The following SLCO3A1 variants were observed in gnomAD, a reference collection of about 807,000 sequenced individuals.
SLCO3A1 encodes solute carrier organic anion transporter family member 3A1, also known as PGE1 transporter.
SLCO3A1 carries 27 observed loss-of-function variants against 63.1 expected under a neutral mutation model. The ratio of observed to expected loss-of-function variants is 0.43; its 90% CI spans 0.32 to 0.59. SLCO3A1 has a LOEUF of 0.59. Ranked by LOEUF, SLCO3A1 falls within the 20% of genes least tolerant of loss-of-function variation. The pLI is 0.09. For synonymous variants in SLCO3A1, 473 were observed against 409.9 expected (o/e 1.15, Z -1.86); for missense variants, 773 against 945.8 (o/e 0.82, Z 2.40).
chr15:92,087,516 A>ATTTT (rs34074469), intron 2 of SLCO3A1, among the ~76,000 whole-genome samples: 2 of 121,762 alleles, frequency 1.6e-5, no homozygotes, highest in African/African-American at 6.3e-5. Flanking sequence ...ATTATCTATT[A>ATTTT]TTTTTTTTTT....
chr15:92,108,239 A>G (rs2047688865), intron 4 of SLCO3A1, among the ~76,000 whole-genome samples: 1 of 152,218 alleles, frequency 6.6e-6, no homozygotes, highest in African/African-American at 2.4e-5. Context: ...GTTAAACTCC[A>G]GTATCTCCCC....
chr15:91,939,077 T>C (rs904888534), intron 2 of SLCO3A1, among the ~76,000 whole-genome samples: 3 of 152,142 alleles, frequency 2.0e-5, no homozygotes, highest in East Asian at 1.9e-4. Context: ...CTCAGTAATA[T>C]ATAAGAAAAG....
intron 2 of SLCO3A1, among the ~76,000 whole-genome samples, chr15:92,000,995 T>A (rs1357743206): frequency 6.6e-6 from 1 of 152,130 alleles, no homozygotes; most frequent in African/African-American, 2.4e-5. Context: ...AGTCTGTCTA[T>A]CTTTGTCTCT....
At chr15:91,896,516 A>G (rs778248153) in intron 1 of SLCO3A1, among the ~76,000 whole-genome samples, 35 of 152,256 alleles carry the variant, frequency 2.3e-4, no homozygotes, top group Middle Eastern at 6.8e-3. Context: ...TAATTGACTC[A>G]TGGGGGTGGG....
chr15:92,000,403 TA>T (rs56354930), intron 2 of SLCO3A1, among the ~76,000 whole-genome samples: 5,703 of 137,998 alleles, frequency 0.041, 144 homozygotes, highest in Non-Finnish European at 0.054. Context: ...CCTTTTTTTT[TA>T]AAAAAAAAAA....
rs151313256 is a variant in SLCO3A1, at chr15:91,887,672, G to C, written c.181-28321G>C. 3.9e-5 allele frequency among the ~76,000 whole-genome samples: 6 copies of C among 152,294 alleles called. No homozygotes were observed. The East Asian group carries it at 9.6e-4, about 24-fold the overall frequency. On this transcript the variant is annotated intron_variant, in intron 1 of 9. Coordinates refer to ENST00000318445, the MANE Select transcript of SLCO3A1 (RefSeq NM_013272.4). ...ATCCTGGGAACTTCTGAGGCCTGCTGTTCTCTCCCTGTCTTTTATGTGTCT... is the reference window on the plus strand; with the variant it reads ...ATCCTGGGAACTTCTGAGGCCTGCTCTTCTCTCCCTGTCTTTTATGTGTCT...
At chr15:92,141,621 C>G (rs546889127) in intron 7 of SLCO3A1, among the ~76,000 whole-genome samples, 1 of 152,286 alleles carries the variant, frequency 6.6e-6, no homozygotes, top group South Asian at 2.1e-4. Flanking sequence ...AGGGGTATCC[C>G]CTACTTCCCC....
At chr15:92,080,752 G>A (rs1352390940) in intron 2 of SLCO3A1, among the ~76,000 whole-genome samples, 1 of 152,192 alleles carries the variant, frequency 6.6e-6, no homozygotes, top group Non-Finnish European at 1.5e-5. Flanking sequence ...GGCTTTACGA[G>A]AGATTTGGGT....
intron 2 of SLCO3A1, among the ~76,000 whole-genome samples, chr15:91,982,654 G>C (rs2046002283): frequency 6.6e-6 from 1 of 152,206 alleles, no homozygotes; most frequent in Admixed American, 6.5e-5. Flanking sequence ...GAAAATCACT[G>C]CTCTAGAGTT....
intron 1 of SLCO3A1, among the ~76,000 whole-genome samples, chr15:91,890,269 G>T (rs1354647387): frequency 6.6e-6 from 1 of 152,176 alleles, no homozygotes; most frequent in East Asian, 1.9e-4. Context: ...CTGTATAATT[G>T]TTCATCTCTC....
intron 2 of SLCO3A1, among the ~76,000 whole-genome samples, chr15:92,082,508 C>G (rs1252014807): frequency 2.0e-5 from 3 of 152,098 alleles, no homozygotes; most frequent in Non-Finnish European, 2.9e-5. Context: ...CTCCCACTTG[C>G]GAGAACCATC....
At chr15:91,957,115 TAA>T in intron 2 of SLCO3A1, among the ~76,000 whole-genome samples, 1 of 26,958 alleles carries the variant, frequency 3.7e-5, no homozygotes, top group African/African-American at 4.7e-4. Flanking sequence ...TATATATATA[TAA>T]TATATATAAT....
At chr15:92,168,104 G>C (rs1383722530), downstream of SLCO3A1, among the ~76,000 whole-genome samples, 2 of 152,186 alleles carry the variant, frequency 1.3e-5, no homozygotes, top group Non-Finnish European at 2.9e-5. Context: ...CAATGAGCTG[G>C]ACAGATCTGA....
intron 1 of SLCO3A1, among the ~76,000 whole-genome samples, chr15:91,901,832 T>C (rs1222605054): frequency 6.6e-6 from 1 of 152,176 alleles, no homozygotes; most frequent in Non-Finnish European, 1.5e-5. Flanking sequence ...TCTTTGGGGT[T>C]CTTTGAGCTT....
intron 2 of SLCO3A1, among the ~76,000 whole-genome samples, chr15:91,920,626 G>A (rs1231946033): frequency 6.6e-6 from 1 of 152,216 alleles, no homozygotes; most frequent in Non-Finnish European, 1.5e-5. Context: ...CTTTCGCTCA[G>A]CTCTTTCCAG....
Position 92,151,852 on chromosome 15 carries a change from C to G in SLCO3A1, c.1753+838C>G, listed in dbSNP as rs7171414. Among the ~76,000 whole-genome samples the G allele has an allele frequency of 2.6e-5, 4 of 152,274 alleles. No homozygotes were observed. In the South Asian group the frequency reaches 8.3e-4, roughly 32 times the overall value. The stretch of plus-strand genomic sequence containing the variant: ...AGTAGAAATAAAATTCCTCATTCCA[C>G]GTATATAATCGTGGATAAGCACAAA... On this transcript the variant is annotated intron_variant, in intron 9 of 9. Transcript: ENST00000318445.
intron 1 of SLCO3A1, among the ~76,000 whole-genome samples, chr15:91,891,423 C>G (rs548330478): frequency 3.0e-4 from 46 of 152,196 alleles, no homozygotes; most frequent in Non-Finnish European, 6.2e-4. Context: ...GGTCACTTAT[C>G]CTGTATTCAG....
In SLCO3A1 at chr15:92,143,393, T is replaced by TTATATATAATATATGTAATATTA. The variant is rs372000641; in HGVS notation, c.1513-3585_1513-3584insTAATATATGTAATATTATATATA. On this transcript the variant is annotated intron_variant, in intron 7 of 9. Transcript: ENST00000318445. ...TTATATAATATATATAATATATATA[T>TTATATATAATATATGTAATATTA]TATATAATATATATAATATATATAT... Among the ~76,000 whole-genome samples, 7 of 3,664 alleles carry TTATATATAATATATGTAATATTA rather than the reference T, an allele frequency of 1.9e-3. 3 individuals are homozygous for TTATATATAATATATGTAATATTA. The highest frequency in any genetic ancestry group is 9.0e-3 in the African/African-American group (7 of 780). 2.4% of individuals were successfully genotyped at this position (3,664 alleles called of 152,430 possible). A position where few individuals can be genotyped will look rare whatever the true frequency, so the allele number is the denominator to read the frequency against.
chr15:91,906,094 T>C (rs1052594126), intron 1 of SLCO3A1, among the ~76,000 whole-genome samples: 3 of 152,312 alleles, frequency 2.0e-5, no homozygotes. Flanking sequence ...TAGAATGGGA[T>C]AGTAATATTT....
Sources: gnomAD v4.1 joint callset for allele counts (sites outside exome capture counted in the v4.1 genomes callset) on GRCh38, gnomAD v4.1.1 for gene constraint, MANE v1.5 for transcripts, NCBI Gene and HGNC (gene_info 2026-07-23, HGNC 2026-07-21) for gene names.